Variants in DERA observed in about 807,000 individuals in gnomAD.
DERA encodes deoxyribose-phosphate aldolase.
DERA carries 15 observed loss-of-function variants against 41.1 expected under a neutral mutation model. The ratio of observed to expected loss-of-function variants is 0.37; its 90% CI spans 0.24 to 0.56. DERA has a LOEUF of 0.56. Among genes scored for constraint, DERA ranks in the 20% least tolerant of loss-of-function variants. The pLI, the probability that DERA is intolerant of heterozygous loss-of-function variation, is 0.81. For synonymous variants in DERA, 139 were observed against 137.4 expected (o/e 1.01, Z -0.08); for missense variants, 396 against 403.4 (o/e 0.98, Z 0.16).
At chr12:16,018,095 G>C (rs1419310375) in intron 6 of DERA, among the ~76,000 whole-genome samples, 1 of 152,078 alleles carries the variant, frequency 6.6e-6, no homozygotes, top group Non-Finnish European at 1.5e-5. Context: ...CCCATTGTTA[G>C]CTATATGTTT....
rs1948425795 is a variant in DERA, at chr12:15,943,775, A to C, written c.32-13161A>C. Among the ~76,000 whole-genome samples, 1 of 150,460 alleles carries C rather than the reference A, an allele frequency of 6.6e-6. No individual in the cohort carries two copies. Among genetic ancestry groups the C allele is most frequent in the East Asian group, 1.9e-4 (1 of 5,152 alleles). On this transcript the variant is annotated intron_variant, in intron 1 of 8. Coordinates refer to ENST00000428559, the MANE Select transcript of DERA (RefSeq NM_015954.4). This position sits in a 1 kb window ranked among gnomAD's most constrained non-coding sequence, Gnocchi z 4.5. Reference sequence around the variant, plus strand: ...TTAAGTTCTAGGATACATATGCACAATGTGCAGGTTTGTTACATGTGTATA... The same window carrying C: ...TTAAGTTCTAGGATACATATGCACACTGTGCAGGTTTGTTACATGTGTATA...
rs1948620201 is a variant in DERA, at chr12:15,966,032, C to A, written c.508+3085C>A. Among the ~76,000 whole-genome samples the A allele has an allele frequency of 6.6e-6, 1 of 152,214 alleles. No individual in the cohort carries two copies. Among genetic ancestry groups the A allele is most frequent in the Non-Finnish European group, 1.5e-5 (1 of 68,042 alleles). ...ATGAAAGAACCTACATGCTGGCTTT[C>A]CTTTTCCTTCATCCCCAGCAACGTC... On this transcript the variant is annotated intron_variant, in intron 5 of 8. Coordinates refer to ENST00000428559, the MANE Select transcript of DERA (RefSeq NM_015954.4). The surrounding 1 kb of genome is among the most constrained non-coding windows in gnomAD (Gnocchi z 5.1).
intron 1 of DERA, among the ~76,000 whole-genome samples, chr12:15,925,625 A>T (rs1948276451): frequency 6.6e-6 from 1 of 152,198 alleles, no homozygotes; most frequent in Admixed American, 6.5e-5. Context: ...TATCAAGGAA[A>T]TTAAAATTCA....
intron 6 of DERA, among the ~76,000 whole-genome samples, chr12:16,018,030 AGTAACTTCC>A (rs1340212015): frequency 2.0e-5 from 3 of 152,194 alleles, no homozygotes; most frequent in African/African-American, 7.2e-5. Context: ...AGATCTTACT[AGTAACTTCC>A]TATAACATAA....
At chr12:15,968,969 T>C (rs934181697) in intron 5 of DERA, among the ~76,000 whole-genome samples, 7 of 152,248 alleles carry the variant, frequency 4.6e-5, no homozygotes, top group African/African-American at 1.7e-4. Context: ...TCTGCTTCCA[T>C]GTAAATGTTA....
At chr12:15,962,986 T>C in intron 5 of DERA, 39 bp downstream of exon 5, 1 of 1,585,220 alleles carries the variant, frequency 6.3e-7, no homozygotes, top group Non-Finnish European at 8.6e-7. Context: ...TTCACCATTC[T>C]TCCCTGGTGA....
chr12:16,015,796 G>A (rs1592051486), intron 6 of DERA, among the ~76,000 whole-genome samples: 1 of 152,116 alleles, frequency 6.6e-6, no homozygotes, highest in African/African-American at 2.4e-5. Context: ...TATAAATTCA[G>A]GGAAAAGAGT....
chr12:15,982,526 C>T lies in DERA; in HGVS notation c.637+90C>T, dbSNP rs1346626195. On this transcript the variant is annotated intron_variant, in intron 6 of 8. Coordinates refer to ENST00000428559, the MANE Select transcript of DERA (RefSeq NM_015954.4). The surrounding 1 kb of genome is among the most constrained non-coding windows in gnomAD (Gnocchi z 4.0). ...GTGAAAGCATTTAGCTATTATTAAA[C>T]GTGCTAACCACTTGGAATTTTTTTG... is the stretch of plus-strand genomic sequence containing the variant. The T allele has an allele frequency of 2.9e-6, 4 of 1,376,254 alleles. No homozygotes were observed. Among genetic ancestry groups the T allele is most frequent in the South Asian group, 1.6e-5 (1 of 63,096 alleles). The allele number at this position is 1,376,254 out of a possible 1,614,324, so 85.3% of individuals were successfully genotyped here. A position where few individuals can be genotyped will look rare whatever the true frequency, so the allele number is the denominator to read the frequency against.
intron 4 of DERA, among the ~76,000 whole-genome samples, chr12:15,961,421 TCCCAA>T: frequency 6.6e-6 from 1 of 152,254 alleles, no homozygotes; most frequent in Admixed American, 6.5e-5. Flanking sequence ...ACATCTGTGA[TCCCAA>T]CACTTTGGGG....
chr12:15,992,091 G>C lies in DERA; in HGVS notation c.637+9655G>C, dbSNP rs1014229077. Among the ~76,000 whole-genome samples the C allele has an allele frequency of 1.4e-5, 2 of 145,768 alleles. No homozygotes were observed. Among genetic ancestry groups the C allele is most frequent in the Non-Finnish European group, 3.0e-5 (2 of 66,708 alleles). On this transcript the variant is annotated intron_variant, in intron 6 of 8. Coordinates refer to ENST00000428559, the MANE Select transcript of DERA (RefSeq NM_015954.4). This position sits in a 1 kb window ranked among gnomAD's most constrained non-coding sequence, Gnocchi z 4.3. ...TAGATTTTTTTTTTTTTTCAAAACTGTGCTCTTCCCTGGGCTAAGGACCAC... is the reference window on the plus strand; with the variant it reads ...TAGATTTTTTTTTTTTTTCAAAACTCTGCTCTTCCCTGGGCTAAGGACCAC...
In DERA at chr12:16,026,444, A is replaced by G. The variant is rs1949053873; in HGVS notation, c.638-6098A>G. Reference sequence around the variant, plus strand: ...AAATTTGATAACTTAGGTGAAATGGATCAATCCTCAAAAGACATAAACAAC... The same window carrying G: ...AAATTTGATAACTTAGGTGAAATGGGTCAATCCTCAAAAGACATAAACAAC... On this transcript the variant is annotated intron_variant, in intron 6 of 8. Transcript: ENST00000428559. This position sits in a 1 kb window ranked among gnomAD's most constrained non-coding sequence, Gnocchi z 4.4. 6.6e-6 allele frequency among the ~76,000 whole-genome samples: 1 copy of G among 151,800 alleles called. No individual in the cohort carries two copies. The highest frequency in any genetic ancestry group is 1.5e-5 in the Non-Finnish European group (1 of 67,850).
chr12:15,968,770 GC>G (rs1948640856), intron 5 of DERA, among the ~76,000 whole-genome samples: 1 of 152,200 alleles, frequency 6.6e-6, no homozygotes, highest in Non-Finnish European at 1.5e-5. Context: ...CCCAGATGCA[GC>G]CCTCCTTGCC....
chr12:16,028,179 C>G (rs1949065290), intron 6 of DERA, among the ~76,000 whole-genome samples: 1 of 152,118 alleles, frequency 6.6e-6, no homozygotes, highest in South Asian at 2.1e-4. Context: ...ATGGCTTATA[C>G]CAGGACTGGT....
In DERA at chr12:16,036,485, C is replaced by T. The variant is rs955061896; in HGVS notation, c.900+104C>T. The T allele has an allele frequency of 9.1e-6, 12 of 1,312,360 alleles. No individual in the cohort carries two copies. The African/African-American group carries it at 1.8e-4, about 20-fold the overall frequency. The allele number at this position is 1,312,360 out of a possible 1,614,324, so 81.3% of individuals were successfully genotyped here. A position where few individuals can be genotyped will look rare whatever the true frequency, so the allele number is the denominator to read the frequency against. Reference sequence around the variant, plus strand: ...GGAGATAAAAACTCATCTGATTGACCTCATCCTACCCAATCCTCTACCTTT... The same window carrying T: ...GGAGATAAAAACTCATCTGATTGACTTCATCCTACCCAATCCTCTACCTTT... On this transcript the variant is annotated intron_variant, in intron 8 of 8. Transcript: ENST00000428559. The surrounding 1 kb of genome is among the most constrained non-coding windows in gnomAD (Gnocchi z 4.9).
In DERA at chr12:15,911,367, C is replaced by G. The variant is rs758668717; in HGVS notation, c.-17C>G. Reference sequence around the variant, plus strand: ...GGCGGGCGCCTACCAGCCGGCAGCTCCGGAGCTGCCCGCGCCATGTCCGCG... The same window carrying G: ...GGCGGGCGCCTACCAGCCGGCAGCTGCGGAGCTGCCCGCGCCATGTCCGCG... On this transcript the variant is annotated 5_prime_UTR_variant, in exon 1 of 9. Transcript: ENST00000428559. The surrounding 1 kb of genome is among the most constrained non-coding windows in gnomAD (Gnocchi z 4.5). The G allele has an allele frequency of 7.1e-7, 1 of 1,411,990 alleles. No homozygotes were observed. Among genetic ancestry groups the G allele is most frequent in the Non-Finnish European group, 9.1e-7 (1 of 1,096,286 alleles). The allele number at this position is 1,411,990 out of a possible 1,614,324, so 87.5% of individuals were successfully genotyped here. A position where few individuals can be genotyped will look rare whatever the true frequency, so the allele number is the denominator to read the frequency against.
At position 15,970,859 on chromosome 12, in the gene DERA, G is replaced by A. The variant is rs191278711; in HGVS notation, c.508+7912G>A. Among the ~76,000 whole-genome samples, 11 of 152,294 alleles carry A rather than the reference G, an allele frequency of 7.2e-5. No individual in the cohort carries two copies. The East Asian group carries it at 2.1e-3, about 29-fold the overall frequency. On this transcript the variant is annotated intron_variant, in intron 5 of 8. Coordinates refer to ENST00000428559, the MANE Select transcript of DERA (RefSeq NM_015954.4). The surrounding 1 kb of genome is among the most constrained non-coding windows in gnomAD (Gnocchi z 4.3). ...CCAAAGCAACATGAAAAAACCTAAT[G>A]TCTAGTTTTAGCTTCTGGGGATTAC...
In DERA at chr12:15,989,227, G is replaced by A. The variant is rs564879277; in HGVS notation, c.637+6791G>A. On this transcript the variant is annotated intron_variant, in intron 6 of 8. Coordinates refer to ENST00000428559, the MANE Select transcript of DERA (RefSeq NM_015954.4). This position sits in a 1 kb window ranked among gnomAD's most constrained non-coding sequence, Gnocchi z 5.2. ...AGACCTCACCAGCTCCACGGAGTGT[G>A]CAGCCCTAGCCACGCCTCCCCCGCT... Among the ~76,000 whole-genome samples the A allele has an allele frequency of 6.6e-6, 1 of 152,314 alleles. No individual in the cohort carries two copies. Among genetic ancestry groups the A allele is most frequent in the South Asian group, 2.1e-4 (1 of 4,824 alleles).
Position 15,990,820 on chromosome 12 carries a change from A to G in DERA, c.637+8384A>G, listed in dbSNP as rs1451050468. ...ATGGCTGGATAGTAGTCCATGGTGCATATATATACACCACATTTTATTTAT... is the reference window on the plus strand; with the variant it reads ...ATGGCTGGATAGTAGTCCATGGTGCGTATATATACACCACATTTTATTTAT... On this transcript the variant is annotated intron_variant, in intron 6 of 8. Transcript: ENST00000428559. This position sits in a 1 kb window ranked among gnomAD's most constrained non-coding sequence, Gnocchi z 4.3. Among the ~76,000 whole-genome samples the G allele has an allele frequency of 2.0e-5, 3 of 152,118 alleles. No homozygotes were observed. The highest frequency in any genetic ancestry group is 4.4e-5 in the Non-Finnish European group (3 of 67,976).
intron 6 of DERA, among the ~76,000 whole-genome samples, chr12:16,030,089 ATTTT>A (rs71051276): frequency 4.3e-5 from 6 of 139,202 alleles, no homozygotes; most frequent in Non-Finnish European, 6.2e-5. Flanking sequence ...TGCCCGGCTA[ATTTT>A]TTTTTTTTTT....
Sources: gnomAD v4.1 joint callset for allele counts (sites outside exome capture counted in the v4.1 genomes callset) on GRCh38, gnomAD v4.1.1 for gene constraint, Gnocchi (gnomAD v3.1) non-coding constraint, MANE v1.5 for transcripts, NCBI Gene and HGNC (gene_info 2026-07-23, HGNC 2026-07-21) for gene names.